Variants in PPARGC1A observed in about 807,000 individuals in gnomAD.
PPARGC1A encodes the protein PPARG coactivator 1 alpha.
PPARGC1A carries 25 observed loss-of-function variants against 88.7 expected under a neutral mutation model. The ratio of observed to expected loss-of-function variants is 0.28; its 90% CI spans 0.21 to 0.39. The LOEUF (loss-of-function observed/expected upper bound fraction) is 0.39. Ranked by LOEUF, PPARGC1A falls within the 10% of genes least tolerant of loss-of-function variation. PPARGC1A has a pLI of 1.00. For synonymous variants in PPARGC1A, 363 were observed against 355.6 expected, an observed-to-expected ratio of 1.02 and a Z score of -0.24; for missense variants, 880 against 968.7, an observed-to-expected ratio of 0.91 and a Z score of 1.22.
chr4:24,414,926 A>G, the PPARGC1A span, among the ~76,000 whole-genome samples: 1 of 152,190 alleles, frequency 6.6e-6, no homozygotes, highest in Non-Finnish European at 1.5e-5. Context: ...ATGGTGGCTC[A>G]TGCCTGTAAT....
the PPARGC1A span, among the ~76,000 whole-genome samples, chr4:24,471,331 GACACACACCCGCGTGCACAC>G: frequency 2.0e-5 from 3 of 150,372 alleles, no homozygotes; most frequent in Admixed American, 2.0e-4. This position sits in a 1 kb window ranked among gnomAD's most constrained non-coding sequence, Gnocchi z 5.4. Context: ...CCCACACACA[GACACACACCCGCGTGCACAC>G]ACACACACAC....
At chr4:24,224,805 G>C in the PPARGC1A span, among the ~76,000 whole-genome samples, 3 of 152,168 alleles carry the variant, frequency 2.0e-5, no homozygotes, top group Non-Finnish European at 4.4e-5. Context: ...AGTATTTGGG[G>C]GTAAGAGAGA....
At chr4:23,833,272 C>T (rs1038916095) in intron 2 of PPARGC1A, among the ~76,000 whole-genome samples, 1 of 152,256 alleles carries the variant, frequency 6.6e-6, no homozygotes, top group Non-Finnish European at 1.5e-5. Context: ...ACACTGGGCA[C>T]ATGGCATAGC....
At chr4:23,928,272 A>G in the PPARGC1A span, among the ~76,000 whole-genome samples, 1 of 152,146 alleles carries the variant, frequency 6.6e-6, no homozygotes, top group Non-Finnish European at 1.5e-5. Flanking sequence ...AGGCAGCGAA[A>G]TTATATCCTA....
At chr4:23,912,430 C>G in the PPARGC1A span, among the ~76,000 whole-genome samples, 1 of 152,126 alleles carries the variant, frequency 6.6e-6, no homozygotes, top group Non-Finnish European at 1.5e-5. Flanking sequence ...GATTCTTAAT[C>G]ATGTGTGTCA....
chr4:24,254,584 TA>T, the PPARGC1A span, among the ~76,000 whole-genome samples: 1 of 152,192 alleles, frequency 6.6e-6, no homozygotes, highest in Non-Finnish European at 1.5e-5. Context: ...TCACCTTGTC[TA>T]AATACAACCA....
chr4:24,469,046 T>A, the PPARGC1A span, among the ~76,000 whole-genome samples: 1 of 152,172 alleles, frequency 6.6e-6, no homozygotes, highest in African/African-American at 2.4e-5. Context: ...GGATTTTTAA[T>A]TGAGGTAGAG....
At chr4:23,818,183 T>C (rs1431901204) in intron 7 of PPARGC1A, among the ~76,000 whole-genome samples, 1 of 152,150 alleles carries the variant, frequency 6.6e-6, no homozygotes, top group Non-Finnish European at 1.5e-5. Context: ...CTGGGGAATG[T>C]GTACATTTTG....
chr4:24,089,507 TTTCTTTC>T, the PPARGC1A span, among the ~76,000 whole-genome samples: 770 of 68,882 alleles, frequency 0.011, 42 homozygotes, highest in African/African-American at 0.031. Flanking sequence ...TTTCTTTTCT[TTTCTTTC>T]TTTTTTTTTT....
the PPARGC1A span, among the ~76,000 whole-genome samples, chr4:24,392,524 G>GT: frequency 5.3e-5 from 8 of 152,242 alleles, no homozygotes; most frequent in Middle Eastern, 3.4e-3. Context: ...GCGATAAAAG[G>GT]TATGTTCCCA....
At chr4:24,362,724 T>C in the PPARGC1A span, among the ~76,000 whole-genome samples, 1 of 152,190 alleles carries the variant, frequency 6.6e-6, no homozygotes, top group Non-Finnish European at 1.5e-5. Flanking sequence ...TAATCTCCAT[T>C]AGCTGACATC....
chr4:24,406,673 C>T, the PPARGC1A span, among the ~76,000 whole-genome samples: 1 of 152,118 alleles, frequency 6.6e-6, no homozygotes, highest in Non-Finnish European at 1.5e-5. Context: ...ATACACATGC[C>T]CACAGTGGAA....
At position 23,831,770 on chromosome 4, in the gene PPARGC1A, A is replaced by AT. The variant is rs779367690; in HGVS notation, c.235-20_235-19insA. ...CTATCTTCTGCAGAAAGAGAAAAAA[A>AT]CAGAAGATGTGAGTTGACCCTGGGA... On this transcript the variant is annotated intron_variant, in intron 2 of 12. Coordinates refer to ENST00000264867, the MANE Select transcript of PPARGC1A (RefSeq NM_013261.5). 41 of 1,591,148 alleles carry AT rather than the reference A, an allele frequency of 2.6e-5. No individual in the cohort carries two copies. The East Asian group carries it at 7.2e-4, about 28-fold the overall frequency.
the PPARGC1A span, among the ~76,000 whole-genome samples, chr4:24,084,507 T>C: frequency 5.3e-5 from 8 of 152,202 alleles, no homozygotes; most frequent in Non-Finnish European, 7.3e-5. Context: ...GGGCAGAGTT[T>C]AAATCCACTA....
chr4:24,287,665 C>CACACACA, the PPARGC1A span, among the ~76,000 whole-genome samples: 4,979 of 151,164 alleles, frequency 0.033, 149 homozygotes, highest in East Asian at 0.13. Context: ...CACACACACA[C>CACACACA]AACTGCACTC....
chr4:24,063,296 G>C, the PPARGC1A span, among the ~76,000 whole-genome samples: 2 of 152,164 alleles, frequency 1.3e-5, no homozygotes, highest in African/African-American at 2.4e-5. Flanking sequence ...CCTGACAAGA[G>C]GGGAATAAAA....
At chr4:23,898,683 T>G (rs1162927409) in intron 1 of PPARGC1A, among the ~76,000 whole-genome samples, 1 of 152,146 alleles carries the variant, frequency 6.6e-6, no homozygotes, top group African/African-American at 2.4e-5. Context: ...CAAAAAGAGG[T>G]TGATGAGAGA....
the PPARGC1A span, among the ~76,000 whole-genome samples, chr4:24,161,576 G>T: frequency 3.9e-5 from 6 of 152,092 alleles, no homozygotes; most frequent in Non-Finnish European, 8.8e-5. Flanking sequence ...TACTATGAGG[G>T]AATTACTAGA....
At chr4:23,907,967 G>A (rs534501318), upstream of PPARGC1A, among the ~76,000 whole-genome samples, 117 of 152,312 alleles carry the variant, frequency 7.7e-4, no homozygotes, top group Non-Finnish European at 1.5e-3. Flanking sequence ...ACTGTTTGGG[G>A]CACAGAGTGA....
Sources: allele counts gnomAD v4.1 joint callset (sites outside exome capture counted in the v4.1 genomes callset), GRCh38; gene constraint gnomAD v4.1.1; non-coding constraint Gnocchi (gnomAD v3.1); transcripts MANE v1.5; gene names NCBI Gene and HGNC (gene_info 2026-07-23, HGNC 2026-07-21).